The following GRM8 variants were observed in gnomAD, a reference collection of about 807,000 sequenced individuals.
GRM8 encodes glutamate metabotropic receptor 8, also known as metabotropic glutamate receptor 8.
GRM8 carries 47 observed loss-of-function variants against 87.2 expected under a neutral mutation model. The observed-to-expected ratio is 0.54, with a 90% confidence interval of 0.43 to 0.69. GRM8 has a LOEUF of 0.69. Ranked by LOEUF, GRM8 falls within the 30% of genes least tolerant of loss-of-function variation. The pLI is 0.00. For missense variants in GRM8, 1,019 were observed against 1,139.2 expected, an observed-to-expected ratio of 0.89 and a Z score of 1.52; for synonymous variants, 396 against 404.5, an observed-to-expected ratio of 0.98 and a Z score of 0.25.
chr7:126,990,334 T>TAA (rs377180747), intron 3 of GRM8, among the ~76,000 whole-genome samples: 3,459 of 142,990 alleles, frequency 0.024, 127 homozygotes, highest in African/African-American at 0.082. Flanking sequence ...CTTTCATGAT[T>TAA]AAAAAAAAAA....
intron 2 of GRM8, among the ~76,000 whole-genome samples, chr7:127,171,631 G>A (rs941784494): frequency 6.6e-6 from 1 of 152,052 alleles, no homozygotes; most frequent in East Asian, 1.9e-4. Flanking sequence ...TTTAATTAAG[G>A]TATGTACATT....
chr7:126,615,670 A>G (rs1799411846), intron 7 of GRM8, among the ~76,000 whole-genome samples: 1 of 152,118 alleles, frequency 6.6e-6, no homozygotes, highest in Admixed American at 6.6e-5. Flanking sequence ...AAATAAAGGG[A>G]TGGAGGAAGA....
At chr7:127,020,476 A>G (rs1816150682) in intron 3 of GRM8, among the ~76,000 whole-genome samples, 1 of 151,894 alleles carries the variant, frequency 6.6e-6, no homozygotes, top group Admixed American at 6.6e-5. Context: ...ACCAAGCATC[A>G]CCTCCCTGAT....
At chr7:126,527,912 G>GA (rs1814124040) in intron 9 of GRM8, among the ~76,000 whole-genome samples, 1 of 152,148 alleles carries the variant, frequency 6.6e-6, no homozygotes, top group Admixed American at 6.5e-5. Context: ...CTATGTTTAA[G>GA]AAAACACTTT....
chr7:127,056,612 G>A (rs568610606), intron 3 of GRM8, among the ~76,000 whole-genome samples: 14 of 152,056 alleles, frequency 9.2e-5, no homozygotes, highest in South Asian at 2.1e-4. Flanking sequence ...TATACACACC[G>A]GCAAAATCTA....
At chr7:127,041,995 G>T (rs1447427898) in intron 3 of GRM8, among the ~76,000 whole-genome samples, 2 of 152,176 alleles carry the variant, frequency 1.3e-5, no homozygotes, top group Non-Finnish European at 2.9e-5. Context: ...TTTCTGGTGA[G>T]AGGAGGGGGG....
At chr7:126,658,718 G>C (rs1036710379) in intron 7 of GRM8, among the ~76,000 whole-genome samples, 1 of 151,736 alleles carries the variant, frequency 6.6e-6, no homozygotes, top group African/African-American at 2.4e-5. Flanking sequence ...TGGAATGGAG[G>C]AATATACTTT....
At chr7:126,564,387 T>G (rs200462106) in intron 8 of GRM8, among the ~76,000 whole-genome samples, 1 of 152,070 alleles carries the variant, frequency 6.6e-6, no homozygotes, top group Non-Finnish European at 1.5e-5. Context: ...CAGAGTGAAG[T>G]CAAAGATATT....
intron 8 of GRM8, among the ~76,000 whole-genome samples, chr7:126,590,969 T>C (rs1352822301): frequency 6.6e-6 from 1 of 151,680 alleles, no homozygotes; most frequent in Non-Finnish European, 1.5e-5. Flanking sequence ...ACCATAAATT[T>C]TTTTTTTAAA....
Position 126,571,197 on chromosome 7 carries a change from T to C in GRM8, c.1495-37310A>G, listed in dbSNP as rs1794660439. ...AAATCATTACTAATACAAGAAATTT[T>C]TAATAAATATCAGAAATATAAAGTA... On this transcript the variant is annotated intron_variant, in intron 8 of 10. Transcript: ENST00000339582. 2.0e-5 allele frequency among the ~76,000 whole-genome samples: 3 copies of C among 152,302 alleles called. No homozygotes were observed. The South Asian group carries it at 6.2e-4, about 32-fold the overall frequency.
intron 7 of GRM8, among the ~76,000 whole-genome samples, chr7:126,676,090 T>C (rs1053635680): frequency 1.3e-5 from 2 of 152,168 alleles, no homozygotes; most frequent in African/African-American, 4.8e-5. Flanking sequence ...TATACACTGA[T>C]AACAACCAAA....
intron 9 of GRM8, among the ~76,000 whole-genome samples, chr7:126,469,205 T>A (rs978890526): frequency 2.0e-5 from 3 of 152,124 alleles, no homozygotes; most frequent in East Asian, 3.9e-4. Flanking sequence ...TTCTATCTTA[T>A]GAAAAGTCTT....
intron 6 of GRM8, among the ~76,000 whole-genome samples, chr7:126,820,453 A>C (rs1794193675): frequency 6.6e-6 from 1 of 152,180 alleles, no homozygotes; most frequent in Non-Finnish European, 1.5e-5. Context: ...CATTGGTTAG[A>C]TTTGAGTCTA....
intron 3 of GRM8, among the ~76,000 whole-genome samples, chr7:127,104,294 A>G (rs1825612234): frequency 6.6e-6 from 1 of 152,148 alleles, no homozygotes; most frequent in South Asian, 2.1e-4. Flanking sequence ...CACTACTAAC[A>G]TGGTGACAGA....
intron 9 of GRM8, among the ~76,000 whole-genome samples, chr7:126,458,278 A>T (rs1803488423): frequency 6.6e-6 from 1 of 151,242 alleles, no homozygotes; most frequent in African/African-American, 2.4e-5. Context: ...ATCAGGTTTG[A>T]TTTTAAATTG....
intron 3 of GRM8, among the ~76,000 whole-genome samples, chr7:127,061,828 A>C (rs925148444): frequency 6.6e-6 from 1 of 152,234 alleles, no homozygotes; most frequent in Non-Finnish European, 1.5e-5. Context: ...TAAATAGTCT[A>C]CTGTACTTCC....
chr7:126,874,014 T>G (rs1012423175), intron 6 of GRM8, among the ~76,000 whole-genome samples: 1 of 152,130 alleles, frequency 6.6e-6, no homozygotes, highest in African/African-American at 2.4e-5. Context: ...AATGTAAAAT[T>G]TGCCTGCATA....
intron 9 of GRM8, among the ~76,000 whole-genome samples, chr7:126,467,771 T>C (rs1006737928): frequency 2.0e-5 from 3 of 152,034 alleles, no homozygotes; most frequent in African/African-American, 7.2e-5. Context: ...TCAAATATGT[T>C]TAAGAATTTT....
intron 3 of GRM8, among the ~76,000 whole-genome samples, chr7:126,911,345 C>T (rs190070103): frequency 1.3e-4 from 20 of 152,090 alleles, no homozygotes; most frequent in African/African-American, 4.8e-4. Context: ...CCCCCAGTTC[C>T]TACCCCCAAG....
Sources: allele counts gnomAD v4.1 joint callset (sites outside exome capture counted in the v4.1 genomes callset), GRCh38; gene constraint gnomAD v4.1.1; transcripts MANE v1.5; gene names NCBI Gene and HGNC (gene_info 2026-07-23, HGNC 2026-07-21).